Variants in CAP2 observed in about 807,000 individuals in gnomAD.
CAP2 encodes the protein cyclase associated actin cytoskeleton regulatory protein 2.
Under a neutral mutation model 57.7 loss-of-function variants are expected in CAP2, and 24 were observed. The observed-to-expected ratio is 0.42, with a 90% CI of 0.30 to 0.58. CAP2 has a LOEUF of 0.58. Ranked by LOEUF, CAP2 falls within the 20% of genes least tolerant of loss-of-function variation. CAP2 has a pLI of 0.22. For missense variants in CAP2, 501 were observed against 590.3 expected (o/e 0.85, Z 1.57); for synonymous variants, 194 against 207.2 (o/e 0.94, Z 0.55).
chr6:17,503,621 A>G (rs1752309386), intron 4 of CAP2, among the ~76,000 whole-genome samples: 1 of 151,952 alleles, frequency 6.6e-6, no homozygotes, highest in Admixed American at 6.5e-5. Flanking sequence ...AAAAAAAAAA[A>G]AAAAGACACC....
chr6:17,486,139 G>A (rs1761413646), intron 4 of CAP2, among the ~76,000 whole-genome samples: 1 of 151,994 alleles, frequency 6.6e-6, no homozygotes, highest in African/African-American at 2.4e-5. Context: ...GAGTCTTGGA[G>A]TTTGAGGCCA....
At chr6:17,432,200 C>T (rs2113547671) in intron 3 of CAP2, among the ~76,000 whole-genome samples, 1 of 152,252 alleles carries the variant, frequency 6.6e-6, no homozygotes, top group South Asian at 2.1e-4. Context: ...CGGATGGTAT[C>T]TTGTATTCTT....
Position 17,502,553 on chromosome 6 carries a change from C to A in CAP2, c.301-4616C>A, listed in dbSNP as rs3777705. ...GACAATTCTTCACATAATTGCCAAG[C>A]TAAAGCAAAAGAAAACTTTCTCAAT... is the stretch of plus-strand genomic sequence containing the variant. On this transcript the variant is annotated intron_variant, in intron 4 of 12. Coordinates refer to ENST00000229922, the MANE Select transcript of CAP2 (RefSeq NM_006366.3). Among the ~76,000 whole-genome samples, 91 of 151,840 alleles carry A rather than the reference C, an allele frequency of 6.0e-4. 1 individual carries two copies. The East Asian group carries it at 9.7e-3, about 16-fold the overall frequency.
rs1303162059 is a variant in CAP2, at chr6:17,507,040, TTA to T, written c.301-125_301-124del. 1.1e-5 allele frequency: 9 copies of T among 846,268 alleles called. 1 individual carries two copies. Among genetic ancestry groups the T allele is most frequent in the African/African-American group, 6.8e-5 (4 of 58,622 alleles). The allele number at this position is 846,268 out of a possible 1,614,324, so 52.4% of individuals were successfully genotyped here. ...AAATGCATGCTGTTCTCAAAGATGA[TTA>T]TATGTTTCTTTTAGACCCCTTAACA... On this transcript the variant is annotated intron_variant, in intron 4 of 12. Transcript: ENST00000229922.
chr6:17,444,426 CA>C (rs971847717), intron 3 of CAP2, among the ~76,000 whole-genome samples: 1 of 151,944 alleles, frequency 6.6e-6, no homozygotes, highest in Non-Finnish European at 1.5e-5. Flanking sequence ...ATCACGAGGT[CA>C]AGAGATAGAG....
intron 2 of CAP2, among the ~76,000 whole-genome samples, chr6:17,423,168 A>G (rs776222682): frequency 2.6e-5 from 4 of 152,204 alleles, no homozygotes; most frequent in African/African-American, 7.2e-5. Flanking sequence ...AAAGACCTAC[A>G]TTGGTGCTTC....
At chr6:17,465,515 C>G (rs1031671583) in intron 4 of CAP2, among the ~76,000 whole-genome samples, 1 of 152,186 alleles carries the variant, frequency 6.6e-6, no homozygotes, top group Admixed American at 6.5e-5. Context: ...CTTCCTGGCC[C>G]TTCTCTCTAC....
chr6:17,534,509 C>T (rs1762724527), intron 7 of CAP2, among the ~76,000 whole-genome samples: 1 of 152,134 alleles, frequency 6.6e-6, no homozygotes, highest in Admixed American at 6.5e-5. Context: ...TCTTCCTAGC[C>T]CTCGTTCTTG....
intron 7 of CAP2, chr6:17,536,341 G>A (rs573841464): frequency 5.9e-5 from 27 of 455,954 alleles, no homozygotes; most frequent in African/African-American, 3.8e-4. Context: ...TCCACTGTAC[G>A]GTAAAGCACC....
chr6:17,498,410 T>C (rs1448043909), intron 4 of CAP2, among the ~76,000 whole-genome samples: 5 of 152,242 alleles, frequency 3.3e-5, no homozygotes, highest in Admixed American at 3.3e-4. Flanking sequence ...CCCTATGATT[T>C]GCTGAACACT....
In CAP2 at chr6:17,556,566, T is replaced by A; in HGVS notation, c.*124T>A. ...TTAGCTTTGGCCTCCAACGATTCTGTGCTATAGATACAGCACTGTTTCTGG... is the reference window on the plus strand; with the variant it reads ...TTAGCTTTGGCCTCCAACGATTCTGAGCTATAGATACAGCACTGTTTCTGG... On this transcript the variant is annotated 3_prime_UTR_variant, in exon 13 of 13. Coordinates refer to ENST00000229922, the MANE Select transcript of CAP2 (RefSeq NM_006366.3). 1 of 714,998 alleles carries A rather than the reference T, an allele frequency of 1.4e-6. No individual in the cohort carries two copies. The highest frequency in any genetic ancestry group is 2.6e-6 in the Non-Finnish European group (1 of 392,040). 44.3% of individuals were successfully genotyped at this position (714,998 alleles called of 1,614,324 possible). A position where few individuals can be genotyped will look rare whatever the true frequency, so the allele number is the denominator to read the frequency against.
At chr6:17,441,599 T>C (rs1760075527) in intron 3 of CAP2, among the ~76,000 whole-genome samples, 1 of 149,016 alleles carries the variant, frequency 6.7e-6, no homozygotes, top group Non-Finnish European at 1.5e-5. Context: ...TTCTCCCACC[T>C]CAGCCTCCTG....
At chr6:17,487,234 C>G (rs1761440691) in intron 4 of CAP2, among the ~76,000 whole-genome samples, 1 of 152,136 alleles carries the variant, frequency 6.6e-6, no homozygotes, top group African/African-American at 2.4e-5. Flanking sequence ...GTGGACGTCC[C>G]CAGTCGCTTA....
chr6:17,409,762 T>G (rs990538247), intron 1 of CAP2, among the ~76,000 whole-genome samples: 8 of 152,236 alleles, frequency 5.3e-5, no homozygotes, highest in Admixed American at 2.0e-4. Flanking sequence ...CTAACTCTAT[T>G]TTGATTGGCA....
chr6:17,493,827 T>A (rs561992699), intron 4 of CAP2, among the ~76,000 whole-genome samples: 5 of 149,954 alleles, frequency 3.3e-5, no homozygotes, highest in Admixed American at 6.6e-5. Flanking sequence ...ATATTACTCA[T>A]CAGTTGTGGC....
chr6:17,531,328 C>A (rs1762633795), intron 7 of CAP2: 2 of 1,232,282 alleles, frequency 1.6e-6, no homozygotes, highest in African/African-American at 3.0e-5. Context: ...CCTTTCAGAC[C>A]TTTGGGCTCA....
chr6:17,499,624 G>A (rs111290080), intron 4 of CAP2, among the ~76,000 whole-genome samples: 1,943 of 152,024 alleles, frequency 0.013, 24 homozygotes, highest in Middle Eastern at 0.02. Context: ...TGGGGTGGGA[G>A]GATTGCTTGA....
intron 4 of CAP2, among the ~76,000 whole-genome samples, chr6:17,471,039 G>A (rs1340177585): frequency 6.6e-6 from 1 of 152,148 alleles, no homozygotes; most frequent in Non-Finnish European, 1.5e-5. Flanking sequence ...ATAACGATAA[G>A]GTGTCAAGTT....
At chr6:17,425,832 C>A (rs148136910) in intron 2 of CAP2, among the ~76,000 whole-genome samples, 2 of 152,266 alleles carry the variant, frequency 1.3e-5, no homozygotes, top group African/African-American at 4.8e-5. Context: ...TGGTGGCTCA[C>A]GCCTGTAATC....
Sources: allele counts gnomAD v4.1 joint callset (sites outside exome capture counted in the v4.1 genomes callset), GRCh38; gene constraint gnomAD v4.1.1; transcripts MANE v1.5; gene names NCBI Gene and HGNC (gene_info 2026-07-23, HGNC 2026-07-21).